The following ZNF717 variants were observed in gnomAD, a reference collection of about 807,000 sequenced individuals.
ZNF717 encodes the protein zinc finger protein 717, also known as krueppel-like factor X17.
In ZNF717, 9 loss-of-function variants were observed where a neutral mutation model predicts 13.8. The observed-to-expected ratio is 0.65, with a 90% CI of 0.39 to 1.14. ZNF717 has a LOEUF of 1.14. ZNF717 is among the 50% of genes most tolerant of loss of function. The pLI is 0.01. For missense variants in ZNF717, 1,040 were observed against 1,080.7 expected (o/e 0.96, Z 0.53); for synonymous variants, 327 against 364.1 (o/e 0.90, Z 1.16).
intron 6 of ZNF717, among the ~76,000 whole-genome samples, chr3:75,702,606 A>T (rs1937718043): frequency 1.3e-5 from 2 of 152,426 alleles, no homozygotes; most frequent in South Asian, 2.1e-4. Context: ...CATTAAAAAA[A>T]CTAAAAGAGT....
chr3:75,723,480 T>A (rs1938210845), intron 4 of ZNF717, among the ~76,000 whole-genome samples: 1 of 152,244 alleles, frequency 6.6e-6, no homozygotes, highest in South Asian at 2.1e-4. Flanking sequence ...AGAATACTTG[T>A]ACTAGAAATA....
At chr3:75,748,912 CA>C (rs1462958771) in intron 2 of ZNF717, among the ~76,000 whole-genome samples, 2 of 152,036 alleles carry the variant, frequency 1.3e-5, no homozygotes, top group African/African-American at 2.4e-5. Context: ...TCCCTGTTTG[CA>C]GGGGTCTCTT....
At chr3:75,722,530 T>G (rs1938189672) in intron 4 of ZNF717, among the ~76,000 whole-genome samples, 1 of 152,048 alleles carries the variant, frequency 6.6e-6, no homozygotes, top group African/African-American at 2.4e-5. Flanking sequence ...AAAAGAATTT[T>G]TGGATGAGGT....
chr3:75,768,542 T>TG (rs1237110343), intron 2 of ZNF717, among the ~76,000 whole-genome samples: 32 of 134,214 alleles, frequency 2.4e-4, no homozygotes, highest in African/African-American at 6.3e-4. Context: ...GCTGAGTGTG[T>TG]GGGGGGGTAG....
At chr3:75,750,770 C>T (rs1941695404) in intron 2 of ZNF717, among the ~76,000 whole-genome samples, 1 of 150,924 alleles carries the variant, frequency 6.6e-6, no homozygotes, top group Admixed American at 6.6e-5. Flanking sequence ...CAGAACTCCC[C>T]TCCTGTGGTC....
intron 6 of ZNF717, among the ~76,000 whole-genome samples, chr3:75,703,398 T>G (rs1474038212): frequency 6.6e-6 from 1 of 152,294 alleles, no homozygotes; most frequent in Non-Finnish European, 1.5e-5. Flanking sequence ...AGTGTCATGA[T>G]GCATGCCTGT....
downstream of ZNF717, among the ~76,000 whole-genome samples, chr3:75,707,818 A>C (rs1187987234): frequency 6.6e-6 from 1 of 152,184 alleles, no homozygotes; most frequent in African/African-American, 2.4e-5. Flanking sequence ...CACATGGCTC[A>C]GAGGGTCCTA....
intron 2 of ZNF717, among the ~76,000 whole-genome samples, chr3:75,756,934 C>G (rs1322642328): frequency 6.6e-6 from 1 of 152,258 alleles, no homozygotes; most frequent in Non-Finnish European, 1.5e-5. Context: ...CCTCGGCCTC[C>G]CAAAGTGCTG....
At chr3:75,773,631 T>C (rs574270227) in intron 2 of ZNF717, among the ~76,000 whole-genome samples, 1 of 152,318 alleles carries the variant, frequency 6.6e-6, no homozygotes, top group Admixed American at 6.5e-5. Context: ...AAGCAACCCC[T>C]TGAACAGCAT....
At chr3:75,711,875 C>G (rs534417543) in intron 5 of ZNF717, among the ~76,000 whole-genome samples, 4 of 152,326 alleles carry the variant, frequency 2.6e-5, no homozygotes, top group African/African-American at 7.2e-5. Context: ...ATGACAAAAA[C>G]TTGGAATAGC....
At chr3:75,742,506 C>T (rs1940607376) in intron 2 of ZNF717, among the ~76,000 whole-genome samples, 1 of 151,686 alleles carries the variant, frequency 6.6e-6, no homozygotes, top group African/African-American at 2.4e-5. Flanking sequence ...CCATGAGGTT[C>T]CACTTTACTG....
At chr3:75,734,828 T>A (rs796305882), downstream of ZNF717, among the ~76,000 whole-genome samples, 837 of 53,974 alleles carry the variant, frequency 0.016, 7 homozygotes, top group African/African-American at 0.042. Flanking sequence ...TTTTTTTTTT[T>A]TTTTTTTTTT....
intron 5 of ZNF717, among the ~76,000 whole-genome samples, chr3:75,712,861 C>T (rs1937969248): frequency 6.6e-6 from 1 of 152,054 alleles, no homozygotes; most frequent in Non-Finnish European, 1.5e-5. Flanking sequence ...ACTTCTTTCT[C>T]AATAAAGAGC....
chr3:75,762,090 AAAAGAAAAAAAGAAAAG>A (rs1164085297), intron 2 of ZNF717, among the ~76,000 whole-genome samples: 1 of 41,600 alleles, frequency 2.4e-5, no homozygotes, highest in Non-Finnish European at 8.2e-5. Flanking sequence ...AGAGAGAAAG[AAAAGAAAAAAAGAAAAG>A]AAAGAAAAAG....
intron 2 of ZNF717, among the ~76,000 whole-genome samples, chr3:75,780,200 C>G (rs1249265003): frequency 1.4e-5 from 2 of 145,260 alleles, no homozygotes; most frequent in Non-Finnish European, 3.0e-5. Flanking sequence ...ATGGGAGTGA[C>G]GTGCTAAAAC....
At chr3:75,731,997 C>G (rs1410976030), downstream of ZNF717, 8 of 698,790 alleles carry the variant, frequency 1.1e-5, no homozygotes, top group Non-Finnish European at 2.1e-5. Flanking sequence ...ATATGGACAA[C>G]TCAAGGAGGT....
downstream of ZNF717, among the ~76,000 whole-genome samples, chr3:75,728,335 A>G (rs1453806847): frequency 6.6e-6 from 1 of 152,236 alleles, no homozygotes; most frequent in African/African-American, 2.4e-5. Flanking sequence ...AACGTTAAGG[A>G]TGCACACCAA....
At chr3:75,756,136 CT>C (rs1326316221) in intron 2 of ZNF717, among the ~76,000 whole-genome samples, 83 of 152,352 alleles carry the variant, frequency 5.4e-4, no homozygotes, top group African/African-American at 2.0e-3. Context: ...GTAATTTAAG[CT>C]TTTTATCATT....
chr3:75,730,747 A>C, intron 5 of ZNF717: 1 of 612,504 alleles, frequency 1.6e-6, no homozygotes, highest in Non-Finnish European at 2.9e-6. Flanking sequence ...TAATATTTAC[A>C]AACAGAAATA....
Sources: gnomAD v4.1 joint callset for allele counts (sites outside exome capture counted in the v4.1 genomes callset) on GRCh38, gnomAD v4.1.1 for gene constraint, MANE v1.5 for transcripts, NCBI Gene and HGNC (gene_info 2026-07-23, HGNC 2026-07-21) for gene names.